The following DGUOK variants were observed in gnomAD, a reference collection of about 807,000 sequenced individuals.
DGUOK encodes deoxyguanosine kinase, also known as deoxyguanosine kinase, mitochondrial.
Under a neutral mutation model 36.6 loss-of-function variants are expected in DGUOK, and 30 were observed. That is an observed-to-expected ratio of 0.82 (90% CI 0.61 to 1.11). DGUOK has a LOEUF of 1.11. DGUOK is among the 50% of genes most tolerant of loss of function. The pLI is 0.00. For synonymous variants in DGUOK, 145 were observed against 126.3 expected, an observed-to-expected ratio of 1.15 and a Z score of -0.99; for missense variants, 361 against 336.4, an observed-to-expected ratio of 1.07 and a Z score of -0.57.
At position 73,946,904 on chromosome 2, in the gene DGUOK, C is replaced by T. The variant is rs1052682825; in HGVS notation, c.441C>T (p.Asp147=). Residue 147 remains aspartate, a splice_region_variant and synonymous_variant, in exon 3 of 7, where the codon GAC becomes GAT. Transcript: ENST00000264093. ...TCTTTGAGAGGTCTGTGTACAGTGA[C>T]AGGTAAAATGCCAAGCCCTCCACCA... ...VQIFERSVYS[D]RYIFAKNLFE... 96 of 1,610,270 alleles carry T rather than the reference C, an allele frequency of 6.0e-5. No individual in the cohort carries two copies. The highest frequency in any genetic ancestry group is 7.9e-5 in the Non-Finnish European group (93 of 1,178,668).
At chr2:73,938,821 G>A in intron 1 of DGUOK, 89 bp from the exon 2 acceptor site, 1 of 867,710 alleles carries the variant, frequency 1.2e-6, no homozygotes, top group Non-Finnish European at 2.0e-6. Context: ...GTTCCCTTGA[G>A]TTTGGGCGTT....
chr2:73,940,448 A>C (rs1681819543), intron 2 of DGUOK, among the ~76,000 whole-genome samples: 1 of 152,142 alleles, frequency 6.6e-6, no homozygotes, highest in African/African-American at 2.4e-5. Flanking sequence ...TGTGGCTGGC[A>C]TATCATGCCT....
rs989878787 is a variant in DGUOK at position 73,927,244 on chromosome 2, A to G, written c.142+192A>G. ...CCTTGTTTTTAGGATATCGGGCCTC[A>G]GTACCCGCCCACAGGAACATATTTG... is the stretch of plus-strand genomic sequence containing the variant. On this transcript the variant is annotated intron_variant, in intron 1 of 6. Coordinates refer to ENST00000264093, the MANE Select transcript of DGUOK (RefSeq NM_080916.3). Among the ~76,000 whole-genome samples, 3 of 152,232 alleles carry G rather than the reference A, an allele frequency of 2.0e-5. No individual in the cohort carries two copies. In the East Asian group the frequency reaches 5.8e-4, roughly 29 times the overall value.
chr2:73,934,321 CT>C (rs1412759492), intron 1 of DGUOK, among the ~76,000 whole-genome samples: 1 of 152,156 alleles, frequency 6.6e-6, no homozygotes, highest in Non-Finnish European at 1.5e-5. Context: ...GTAATATACT[CT>C]TAAGAAAGTA....
intron 5 of DGUOK, chr2:73,957,934 T>G (rs1683244856): frequency 2.1e-6 from 1 of 468,684 alleles, no homozygotes; most frequent in Non-Finnish European, 4.0e-6. Context: ...TGTTTGTTAG[T>G]ATCACTCTCA....
chr2:73,936,733 T>C (rs1328618725), intron 1 of DGUOK, among the ~76,000 whole-genome samples: 1 of 152,196 alleles, frequency 6.6e-6, no homozygotes, highest in Non-Finnish European at 1.5e-5. Flanking sequence ...TAGTAATATA[T>C]TGTGTATTTT....
chr2:73,942,052 G>T (rs1205884310), intron 2 of DGUOK, among the ~76,000 whole-genome samples: 1 of 151,888 alleles, frequency 6.6e-6, no homozygotes, highest in African/African-American at 2.4e-5. Flanking sequence ...TGGGATTACA[G>T]GTGCCTGCCA....
intron 2 of DGUOK, among the ~76,000 whole-genome samples, chr2:73,940,804 G>A (rs559906590): frequency 6.6e-6 from 1 of 152,342 alleles, no homozygotes; most frequent in African/African-American, 2.4e-5. Flanking sequence ...GAGCAATAGG[G>A]TGTGTCATAT....
At chr2:73,952,199 A>G (rs1682753330) in intron 4 of DGUOK, among the ~76,000 whole-genome samples, 1 of 152,228 alleles carries the variant, frequency 6.6e-6, no homozygotes, top group Admixed American at 6.5e-5. Context: ...CTAAAGATTC[A>G]GTGAGGCCAG....
At chr2:73,957,878 C>T (rs1683241328) in intron 5 of DGUOK, 1 of 394,226 alleles carries the variant, frequency 2.5e-6, no homozygotes, top group Admixed American at 3.7e-5. Flanking sequence ...CCTGTCCTCC[C>T]TTTAGGCTTG....
intron 1 of DGUOK, among the ~76,000 whole-genome samples, chr2:73,932,260 A>G (rs1056580608): frequency 1.3e-5 from 2 of 152,120 alleles, no homozygotes; most frequent in Non-Finnish European, 2.9e-5. Flanking sequence ...ACTACTCTTC[A>G]TCACCCCACA....
intron 5 of DGUOK, 57 bp from the exon 6 acceptor site, chr2:73,958,089 C>T (rs1425146317): frequency 2.8e-6 from 4 of 1,420,426 alleles, no homozygotes; most frequent in Admixed American, 3.4e-5. Context: ...GTATGTGAAA[C>T]TTGACTCAAG....
intron 2 of DGUOK, among the ~76,000 whole-genome samples, chr2:73,940,876 C>G (rs548644994): frequency 6.6e-6 from 1 of 152,274 alleles, no homozygotes; most frequent in South Asian, 2.1e-4. Context: ...CTGATGGTCA[C>G]ACAGTGACAA....
At chr2:73,936,761 A>T (rs1451694308) in intron 1 of DGUOK, among the ~76,000 whole-genome samples, 1 of 152,190 alleles carries the variant, frequency 6.6e-6, no homozygotes, top group Non-Finnish European at 1.5e-5. Flanking sequence ...CAGCTAGGTC[A>T]TTAGGTTGTA....
rs758552684 is a variant in DGUOK at position 73,946,880 on chromosome 2, CT to C, written c.420del (p.Phe140LeufsTer61). ...LLQARKPVQIFERSVYSDRYI... is the reference protein window; with the variant it reads ...LLQARKPVQIXERSVYSDRYI... ...TACAGGCCAGGAAGCCAGTACAGAT[CT>C]TTGAGAGGTCTGTGTACAGTGACAG... On this transcript the variant is annotated frameshift_variant, in exon 3 of 7. Coordinates refer to ENST00000264093, the MANE Select transcript of DGUOK (RefSeq NM_080916.3). LOFTEE classifies it high-confidence loss of function. The C allele has an allele frequency of 6.2e-7, 1 of 1,613,318 alleles. No individual in the cohort carries two copies. The highest frequency in any genetic ancestry group is 1.1e-5 in the South Asian group (1 of 90,936).
chr2:73,931,243 A>G (rs1424916405), intron 1 of DGUOK, among the ~76,000 whole-genome samples: 1 of 152,114 alleles, frequency 6.6e-6, no homozygotes, highest in Non-Finnish European at 1.5e-5. Context: ...TGAAGCCTGA[A>G]GAAACACATG....
intron 4 of DGUOK, among the ~76,000 whole-genome samples, chr2:73,955,513 A>G (rs1470452069): frequency 6.6e-6 from 1 of 152,194 alleles, no homozygotes; most frequent in Non-Finnish European, 1.5e-5. Flanking sequence ...AAAGACTCCC[A>G]AGTCTTTGGG....
chr2:73,948,581 C>G (rs1332338827), intron 3 of DGUOK, among the ~76,000 whole-genome samples: 3 of 152,222 alleles, frequency 2.0e-5, no homozygotes, highest in African/African-American at 7.2e-5. Flanking sequence ...ATAAGGCAGA[C>G]CCAGTCCCTG....
At chr2:73,950,463 A>G (rs1682624655) in intron 3 of DGUOK, 122 bp from the exon 4 acceptor site, 1 of 1,028,718 alleles carries the variant, frequency 9.7e-7, no homozygotes, top group African/African-American at 1.6e-5. Context: ...AGAAAGGTTA[A>G]GTGGTTTGAA....
Sources: gnomAD v4.1 joint callset for allele counts (sites outside exome capture counted in the v4.1 genomes callset) on GRCh38, gnomAD v4.1.1 for gene constraint, MANE v1.5 for transcripts, NCBI Gene and HGNC (gene_info 2026-07-23, HGNC 2026-07-21) for gene names.